QRFPR: variants seen among roughly 807,000 people sequenced by gnomAD.
The protein encoded by QRFPR is pyroglutamylated RF-amide peptide receptor.
In QRFPR, 37 loss-of-function variants were observed where a neutral mutation model predicts 31.3. That is an observed-to-expected ratio of 1.18 (90% CI 0.91 to 1.56). The LOEUF (loss-of-function observed/expected upper bound fraction) is 1.56, where lower values mean the gene tolerates loss of function less well. Among genes scored for constraint, QRFPR ranks in the 40% most tolerant of loss-of-function variants. The pLI, the probability that QRFPR is intolerant of heterozygous loss-of-function variation, is 0.00. For missense variants in QRFPR, 542 were observed against 532.5 expected, an observed-to-expected ratio of 1.02 and a Z score of -0.18; for synonymous variants, 197 against 192.0, an observed-to-expected ratio of 1.03 and a Z score of -0.22.
intron 4 of QRFPR, among the ~76,000 whole-genome samples, chr4:121,331,574 C>T (rs1579566615): frequency 1.3e-5 from 2 of 151,480 alleles, no homozygotes; most frequent in Non-Finnish European, 2.9e-5. Context: ...AAGAGCTCTA[C>T]ACATTTGCAT....
At chr4:121,370,110 G>A (rs1314935503) in intron 1 of QRFPR, 16 of 769,314 alleles carry the variant, frequency 2.1e-5, no homozygotes, top group Non-Finnish European at 3.4e-5. Context: ...ACTGGCAGGG[G>A]AGGGTAGACT....
intron 1 of QRFPR, 112 bp downstream of exon 1, chr4:121,380,186 GGAGAGAGAGA>G (rs70950816): frequency 0.012 from 2,811 of 234,430 alleles, 2 homozygotes; most frequent in East Asian, 0.033. Flanking sequence ...AGACGAGAGA[GGAGAGAGAGA>G]GAGAGAGAGA....
rs201743783 is a variant in QRFPR, at chr4:121,331,620, C to CTTA, written c.798-1098_798-1097insTAA. Among the ~76,000 whole-genome samples, 19 of 112,354 alleles carry CTTA rather than the reference C, an allele frequency of 1.7e-4. No homozygotes were observed. The East Asian group carries it at 3.6e-3, about 21-fold the overall frequency. 73.7% of individuals were successfully genotyped at this position (112,354 alleles called of 152,430 possible). Reference sequence around the variant, plus strand: ...GTTTATAAAAACTCATACTCATTATCTCATTATTATTATTATTATTATTAT... The same window carrying CTTA: ...GTTTATAAAAACTCATACTCATTATCTTATCATTATTATTATTATTATTATTAT... On this transcript the variant is annotated intron_variant, in intron 4 of 5. Coordinates refer to ENST00000394427, the MANE Select transcript of QRFPR (RefSeq NM_198179.3).
chr4:121,353,650 C>A (rs1725805932), intron 1 of QRFPR, among the ~76,000 whole-genome samples: 1 of 151,946 alleles, frequency 6.6e-6, no homozygotes, highest in African/African-American at 2.4e-5. Flanking sequence ...ATATTTCCTC[C>A]CATTTGTGGG....
At chr4:121,340,108 C>CAAAAAAAAAA (rs58311512) in intron 2 of QRFPR, 7 of 131,912 alleles carry the variant, frequency 5.3e-5, no homozygotes, top group Admixed American at 9.5e-5. Flanking sequence ...CACTCTGTCT[C>CAAAAAAAAAA]AAAAAAAAAA....
intron 1 of QRFPR, among the ~76,000 whole-genome samples, chr4:121,368,751 A>G (rs1237446579): frequency 2.0e-5 from 3 of 151,912 alleles, no homozygotes; most frequent in Non-Finnish European, 4.4e-5. Context: ...TGATTTGTCA[A>G]TGCTCACATG....
chr4:121,380,123 G>C (rs917308715), intron 1 of QRFPR, among the ~76,000 whole-genome samples, 185 bp downstream of exon 1: 1 of 148,572 alleles, frequency 6.7e-6, no homozygotes, highest in East Asian at 2.1e-4. Flanking sequence ...AAAGAGCACC[G>C]GATTCATTTG....
At chr4:121,354,076 T>C (rs1335845282) in intron 1 of QRFPR, among the ~76,000 whole-genome samples, 2 of 152,146 alleles carry the variant, frequency 1.3e-5, no homozygotes, top group African/African-American at 4.8e-5. Context: ...TGTGTCTCTT[T>C]TTCATGCTAA....
At chr4:121,347,921 T>A (rs1417113546) in intron 1 of QRFPR, among the ~76,000 whole-genome samples, 1 of 152,190 alleles carries the variant, frequency 6.6e-6, no homozygotes, top group Admixed American at 6.5e-5. Context: ...ATAGTCAAGA[T>A]CCTTGTGAAT....
chr4:121,367,805 A>G (rs967544046), intron 1 of QRFPR, among the ~76,000 whole-genome samples: 6 of 149,936 alleles, frequency 4.0e-5, no homozygotes, highest in African/African-American at 1.5e-4. Context: ...TCCTAAGTTT[A>G]CATATTAGGA....
At chr4:121,335,799 T>C (rs537590670) in intron 3 of QRFPR, among the ~76,000 whole-genome samples, 5 of 152,296 alleles carry the variant, frequency 3.3e-5, no homozygotes, top group African/African-American at 9.6e-5. Flanking sequence ...ACTATTCTTC[T>C]GAGTGAAAGT....
At chr4:121,346,580 A>G (rs1434300068) in intron 1 of QRFPR, among the ~76,000 whole-genome samples, 1 of 152,208 alleles carries the variant, frequency 6.6e-6, no homozygotes, top group Non-Finnish European at 1.5e-5. Flanking sequence ...AATTTTGCAT[A>G]AGAGTGGTGA....
intron 1 of QRFPR, among the ~76,000 whole-genome samples, chr4:121,360,776 G>C (rs1283034123): frequency 6.6e-6 from 1 of 152,112 alleles, no homozygotes; most frequent in Non-Finnish European, 1.5e-5. Flanking sequence ...CACAGCACTA[G>C]AAAGTTCTTC....
intron 1 of QRFPR, chr4:121,369,628 G>A: frequency 6.2e-7 from 1 of 1,608,566 alleles, no homozygotes; most frequent in Non-Finnish European, 8.5e-7. Context: ...AGGCCTGGGT[G>A]GCAAAACTTC....
chr4:121,355,939 A>G (rs1053294066), intron 1 of QRFPR, among the ~76,000 whole-genome samples: 1 of 151,964 alleles, frequency 6.6e-6, no homozygotes, highest in African/African-American at 2.4e-5. Flanking sequence ...ATATAATTTC[A>G]TTTTTCAAAA....
In QRFPR at chr4:121,370,157, C is replaced by T. The variant is rs138018087; in HGVS notation, c.340+10151G>A. On this transcript the variant is annotated intron_variant, in intron 1 of 5. Transcript: ENST00000394427. ...CCTCCACCTTGGTGAGGTGCTGATA[C>T]TTGTGCTCTGAAATCACTGGCTTCC... 132 of 767,996 alleles carry T rather than the reference C, an allele frequency of 1.7e-4. No homozygotes were observed. The African/African-American group carries it at 2.1e-3, about 12-fold the overall frequency. 47.6% of individuals were successfully genotyped at this position (767,996 alleles called of 1,614,324 possible). A position where few individuals can be genotyped will look rare whatever the true frequency, so the allele number is the denominator to read the frequency against.
At chr4:121,353,313 T>C (rs1725798603) in intron 1 of QRFPR, among the ~76,000 whole-genome samples, 1 of 152,062 alleles carries the variant, frequency 6.6e-6, no homozygotes, top group South Asian at 2.1e-4. Flanking sequence ...ATAGTAGCTA[T>C]ATTAATTTAC....
At chr4:121,340,344 T>A in intron 2 of QRFPR, 108 bp downstream of exon 2, 1 of 1,179,830 alleles carries the variant, frequency 8.5e-7, no homozygotes, top group Non-Finnish European at 1.2e-6. Context: ...TATATTCCAA[T>A]GCCTACAAGT....
intron 1 of QRFPR, among the ~76,000 whole-genome samples, chr4:121,377,525 C>A (rs773489852): frequency 6.6e-6 from 1 of 151,886 alleles, no homozygotes; most frequent in South Asian, 2.1e-4. Context: ...TTGGAACACA[C>A]CATCTTCTTT....
Sources: gnomAD v4.1 joint callset for allele counts (sites outside exome capture counted in the v4.1 genomes callset) on GRCh38, gnomAD v4.1.1 for gene constraint, MANE v1.5 for transcripts, NCBI Gene and HGNC (gene_info 2026-07-23, HGNC 2026-07-21) for gene names.